The following CD109 variants were observed in gnomAD, a reference collection of about 807,000 sequenced individuals.
CD109 encodes CD109 antigen.
A neutral mutation model predicts 165.8 loss-of-function variants in CD109; 149 were observed. That is an observed-to-expected ratio of 0.90 (90% CI 0.79 to 1.03). The LOEUF (loss-of-function observed/expected upper bound fraction) is 1.03. Among genes scored for constraint, CD109 ranks in the 50% least tolerant of loss-of-function variants. The pLI, the probability that CD109 is intolerant of heterozygous loss-of-function variation, is 0.00. For missense variants in CD109, 1,712 were observed against 1,677.8 expected (o/e 1.02, Z -0.36); for synonymous variants, 585 against 592.1 (o/e 0.99, Z 0.18).
intron 32 of CD109, among the ~76,000 whole-genome samples, chr6:73,823,034 A>C (rs1321749741): frequency 6.6e-6 from 1 of 152,200 alleles, no homozygotes; most frequent in African/African-American, 2.4e-5. Context: ...ACTAGAGCCC[A>C]GGGTAAATGC....
At chr6:73,704,184 A>C (rs1465346803) in intron 2 of CD109, among the ~76,000 whole-genome samples, 1 of 151,874 alleles carries the variant, frequency 6.6e-6, no homozygotes, top group East Asian at 1.9e-4. Context: ...CATCTCAAAA[A>C]AAAAAAAAAA....
intron 28 of CD109, 129 bp from the exon 29 acceptor site, chr6:73,812,075 GT>G (rs1775775536): frequency 1.7e-6 from 1 of 597,496 alleles, no homozygotes; most frequent in African/African-American, 1.9e-5. Context: ...ATGTGAGACA[GT>G]GCAAAGCTCT....
chr6:73,774,359 T>C lies in CD109; in HGVS notation c.1827+2778T>C, dbSNP rs374235505. Among the ~76,000 whole-genome samples, 45 of 152,328 alleles carry C rather than the reference T, an allele frequency of 3.0e-4. 5 individuals are homozygous for C. Among genetic ancestry groups the C allele is most frequent in the African/African-American group, 1.1e-3 (45 of 41,578 alleles). ...TCCTGAGGGGAGAGGACTAGCCTCA[T>C]GGACTAGAGAATTACTCTTGATCCT... On this transcript the variant is annotated intron_variant, in intron 15 of 32. Transcript: ENST00000287097.
intron 6 of CD109, among the ~76,000 whole-genome samples, chr6:73,758,658 C>T (rs933585762): frequency 3.3e-5 from 5 of 152,156 alleles, no homozygotes; most frequent in African/African-American, 4.8e-5. Context: ...TCTAGAATTA[C>T]AGGCGTGAGC....
At position 73,783,720 on chromosome 6, in the gene CD109, C is replaced by T. The variant is rs781614716; in HGVS notation, c.2119C>T (p.Gln707Ter). Residue 707 changes from glutamine to a stop codon, truncating the protein, a stop_gained, in exon 19 of 33, where the codon CAA (glutamine) becomes TAA (stop). Coordinates refer to ENST00000287097, the MANE Select transcript of CD109 (RefSeq NM_133493.5). LOFTEE classifies it high-confidence loss of function. ...LDTNMGYRIY[Q>*]EFEVTVPDSI... The stretch of plus-strand genomic sequence containing the variant: ...TCTTGACTTCAGTTACAGGATTTAC[C>T]AAGAATTTGAAGTAACTGTACCTGA... The T allele has an allele frequency of 6.9e-6, 11 of 1,602,682 alleles. No homozygotes were observed. Among genetic ancestry groups the T allele is most frequent in the Non-Finnish European group, 9.4e-6 (11 of 1,170,440 alleles).
In CD109 at chr6:73,758,974, C is replaced by T. The variant is rs371377745; in HGVS notation, c.704C>T (p.Thr235Ile). The T allele has an allele frequency of 5.6e-6, 9 of 1,605,910 alleles. No individual in the cohort carries two copies. In the Admixed American group the frequency reaches 8.4e-5, roughly 15 times the overall value. ...VLPKFEVTLQ[T>I]PLYCSMNSKH... ...CCAAAATTTGAAGTGACTTTGCAGA[C>T]ACCATTATATTGTTCTATGAATTCT... Residue 235 changes from threonine (T) to isoleucine (I), a missense_variant, in exon 7 of 33, where the codon ACA (threonine) becomes ATA (isoleucine). By Grantham distance (89) the Thr-to-Ile change is moderately conservative. Coordinates refer to ENST00000287097, the MANE Select transcript of CD109 (RefSeq NM_133493.5).
intron 7 of CD109, among the ~76,000 whole-genome samples, chr6:73,759,367 G>T (rs1475623055): frequency 6.6e-6 from 1 of 151,586 alleles, no homozygotes; most frequent in Non-Finnish European, 1.5e-5. Flanking sequence ...ATAGAGATGG[G>T]GTCTTGCCAT....
chr6:73,690,530 T>A, the CD109 span, among the ~76,000 whole-genome samples: 1 of 152,116 alleles, frequency 6.6e-6, no homozygotes, highest in Admixed American at 6.5e-5. Context: ...GCCTCCTGAG[T>A]AGCTGGGATT....
At chr6:73,721,616 G>A (rs536354883) in intron 2 of CD109, among the ~76,000 whole-genome samples, 1 of 151,892 alleles carries the variant, frequency 6.6e-6, no homozygotes, top group Non-Finnish European at 1.5e-5. Flanking sequence ...CACCCGCCTC[G>A]GCCTCCCAAA....
chr6:73,718,857 A>G (rs1771841188), intron 2 of CD109, among the ~76,000 whole-genome samples: 1 of 152,164 alleles, frequency 6.6e-6, no homozygotes, highest in Non-Finnish European at 1.5e-5. Context: ...AAAAAATTGT[A>G]TTCTGTCTGA....
chr6:73,734,659 TG>T (rs1026913404), intron 4 of CD109, among the ~76,000 whole-genome samples: 1 of 152,188 alleles, frequency 6.6e-6, no homozygotes, highest in Non-Finnish European at 1.5e-5. Flanking sequence ...TTTTCACAAT[TG>T]GTTTCTGGCT....
intron 2 of CD109, among the ~76,000 whole-genome samples, chr6:73,701,188 A>G (rs1329378068): frequency 6.6e-6 from 1 of 150,662 alleles, no homozygotes; most frequent in Non-Finnish European, 1.5e-5. Context: ...GGGAAGGTGT[A>G]TCAATGCCTT....
intron 7 of CD109, among the ~76,000 whole-genome samples, chr6:73,760,382 G>A (rs1443841346): frequency 4.5e-5 from 6 of 133,640 alleles, no homozygotes; most frequent in Non-Finnish European, 1.5e-5. Context: ...AGTCCGGCCT[G>A]GGCTAAAGAG....
At chr6:73,782,881 ATTT>A in intron 18 of CD109, 126 bp downstream of exon 18, 2 of 763,796 alleles carry the variant, frequency 2.6e-6, no homozygotes, top group South Asian at 5.8e-5. Context: ...GACCAAAAGG[ATTT>A]TTTAGGAAAT....
At position 73,798,581 on chromosome 6, in the gene CD109, T is replaced by C. The variant is rs529680695; in HGVS notation, c.2879-4639T>C. ...CTCTCCAGGTTGTGAATTTCTCCCT[T>C]ACTTTTCCATGGGAGCAGAGCTGGT... On this transcript the variant is annotated intron_variant, in intron 23 of 32. Coordinates refer to ENST00000287097, the MANE Select transcript of CD109 (RefSeq NM_133493.5). Among the ~76,000 whole-genome samples, 3 of 152,152 alleles carry C rather than the reference T, an allele frequency of 2.0e-5. No homozygotes were observed. The East Asian group carries it at 5.8e-4, about 29-fold the overall frequency.
At chr6:73,761,511 A>G (rs1444549192) in intron 7 of CD109, among the ~76,000 whole-genome samples, 2 of 151,966 alleles carry the variant, frequency 1.3e-5, no homozygotes, top group South Asian at 2.1e-4. Flanking sequence ...AAGGATCACC[A>G]TTTATTTTTT....
At chr6:73,806,804 T>C in intron 24 of CD109, 40 bp from the exon 25 acceptor site, 2 of 1,477,088 alleles carry the variant, frequency 1.4e-6, no homozygotes, top group East Asian at 2.3e-5. Context: ...GTGGACCTTA[T>C]AAAGTGTATT....
At chr6:73,789,777 C>CTTTTT (rs1413154552) in intron 22 of CD109, among the ~76,000 whole-genome samples, 2 of 134,332 alleles carry the variant, frequency 1.5e-5, no homozygotes, top group Non-Finnish European at 1.6e-5. Flanking sequence ...TTTTTTTTTC[C>CTTTTT]TTTGATGGAG....
Position 73,782,740 on chromosome 6 carries a change from T to C in CD109, c.2090T>C (p.Leu697Pro). The change falls in exon 18 of 33, where the codon CTA becomes CCA. Residue 697 changes from leucine (L) to proline (P), a missense_variant. Leu to Pro is a moderately conservative substitution (Grantham distance 98). Transcript: ENST00000287097. Reference sequence around the variant, plus strand: ...CATTTTCCAGAGACTTGGATTTGGCTAGACACCAACATGGGGTAAAAATTT... The same window carrying C: ...CATTTTCCAGAGACTTGGATTTGGCCAGACACCAACATGGGGTAAAAATTT... ...RKHFPETWIW[L>P]DTNMGYRIYQ... 1 of 1,613,984 alleles carries C rather than the reference T, an allele frequency of 6.2e-7. No homozygotes were observed. The highest frequency in any genetic ancestry group is 8.5e-7 in the Non-Finnish European group (1 of 1,179,898).
Sources: gnomAD v4.1 joint callset for allele counts (sites outside exome capture counted in the v4.1 genomes callset) on GRCh38, gnomAD v4.1.1 for gene constraint, MANE v1.5 for transcripts, NCBI Gene and HGNC (gene_info 2026-07-23, HGNC 2026-07-21) for gene names.